Variants in PLCB4 observed in about 807,000 individuals in gnomAD.
The protein encoded by PLCB4 is 1-phosphatidylinositol 4,5-bisphosphate phosphodiesterase beta-4.
Under a neutral mutation model 178.8 loss-of-function variants are expected in PLCB4, and 77 were observed. The ratio of observed to expected loss-of-function variants is 0.43; its 90% confidence interval spans 0.36 to 0.52. The LOEUF (loss-of-function observed/expected upper bound fraction) is 0.52, where lower values mean the gene tolerates loss of function less well. Among genes scored for constraint, PLCB4 ranks in the 20% least tolerant of loss-of-function variants. The pLI is 0.00. For synonymous variants in PLCB4, 496 were observed against 490.8 expected, an observed-to-expected ratio of 1.01 and a Z score of -0.14; for missense variants, 1,024 against 1,453.4, an observed-to-expected ratio of 0.70 and a Z score of 4.80.
At chr20:9,135,514 G>A (rs905725462) in intron 2 of PLCB4, among the ~76,000 whole-genome samples, 2 of 152,000 alleles carry the variant, frequency 1.3e-5, no homozygotes, top group Admixed American at 1.3e-4. Context: ...GCACGACTTT[G>A]TTTCTTGAGG....
At chr20:9,297,986 C>CACAATACCTGAAA (rs1411102148) in intron 3 of PLCB4, among the ~76,000 whole-genome samples, 3 of 152,104 alleles carry the variant, frequency 2.0e-5, no homozygotes, top group Admixed American at 1.3e-4. Flanking sequence ...GGGCTCAGAA[C>CACAATACCTGAAA]ACAATACCTG....
chr20:9,226,974 TTTTG>T (rs924790879), intron 3 of PLCB4, among the ~76,000 whole-genome samples: 58 of 152,286 alleles, frequency 3.8e-4, no homozygotes, highest in Middle Eastern at 3.4e-3. Context: ...TTTTTGTTTT[TTTTG>T]TTTGTTTTTT....
intron 1 of PLCB4, among the ~76,000 whole-genome samples, chr20:9,072,822 C>T (rs188943838): frequency 2.0e-5 from 3 of 152,266 alleles, no homozygotes; most frequent in African/African-American, 7.2e-5. Flanking sequence ...GAATGAATGA[C>T]CAGCAGAGTG....
At chr20:9,087,376 G>A (rs544867721) in intron 1 of PLCB4, among the ~76,000 whole-genome samples, 1 of 152,228 alleles carries the variant, frequency 6.6e-6, no homozygotes, top group South Asian at 2.1e-4. Flanking sequence ...GCCACACTTA[G>A]TGAGACATAA....
chr20:9,356,107 G>A (rs111889593), intron 7 of PLCB4, among the ~76,000 whole-genome samples: 7,569 of 152,260 alleles, frequency 0.05, 256 homozygotes, highest in Non-Finnish European at 0.075. Flanking sequence ...TTTGAGAAGT[G>A]TTTGTTCATA....
At chr20:9,435,454 G>A (rs1180204619) in intron 28 of PLCB4, 106 bp from the exon 29 acceptor site, 1 of 654,856 alleles carries the variant, frequency 1.5e-6, no homozygotes, top group Non-Finnish European at 2.7e-6. Context: ...ATTATTAACA[G>A]AAAGCACAAC....
intron 30 of PLCB4, among the ~76,000 whole-genome samples, chr20:9,441,316 C>T (rs940177126): frequency 1.1e-4 from 16 of 152,172 alleles, no homozygotes; most frequent in African/African-American, 2.4e-4. Context: ...GTTCTTCCCA[C>T]GCCTCTCCAT....
At position 9,444,174 on chromosome 20, in the gene PLCB4, A is replaced by G; in HGVS notation, c.2815-4A>G. ...CTATTTTTGATTCTATTTTTCTCCCAAAGGCTTACTTGAAGCATTTAAAGA... is the reference window on the plus strand; with the variant it reads ...CTATTTTTGATTCTATTTTTCTCCCGAAGGCTTACTTGAAGCATTTAAAGA... On this transcript the variant is annotated splice_polypyrimidine_tract_variant and splice_region_variant and intron_variant, in intron 31 of 39. Transcript: ENST00000378473. 1 of 1,592,664 alleles carries G rather than the reference A, an allele frequency of 6.3e-7. No individual in the cohort carries two copies. Among genetic ancestry groups the G allele is most frequent in the Non-Finnish European group, 8.6e-7 (1 of 1,165,176 alleles).
At chr20:9,407,406 G>A (rs1239768787) in intron 21 of PLCB4, among the ~76,000 whole-genome samples, 2 of 141,492 alleles carry the variant, frequency 1.4e-5, no homozygotes, top group African/African-American at 5.4e-5. Flanking sequence ...GTCTTGCTCT[G>A]TTGCCTGGTC....
intron 20 of PLCB4, among the ~76,000 whole-genome samples, chr20:9,403,201 G>A (rs997104153): frequency 1.3e-5 from 2 of 151,958 alleles, no homozygotes; most frequent in African/African-American, 2.4e-5. Flanking sequence ...TCATTATCAC[G>A]CGTATATAGA....
At chr20:9,139,751 AC>A (rs2092450922) in intron 2 of PLCB4, among the ~76,000 whole-genome samples, 1 of 151,972 alleles carries the variant, frequency 6.6e-6, no homozygotes. Flanking sequence ...TCCACGTGTC[AC>A]CAGCCACCAC....
At chr20:9,228,357 C>G (rs1030458167) in intron 3 of PLCB4, among the ~76,000 whole-genome samples, 6 of 152,138 alleles carry the variant, frequency 3.9e-5, no homozygotes, top group Non-Finnish European at 5.9e-5. Flanking sequence ...TGGGATAAGT[C>G]ACATTTGTTT....
At chr20:9,321,172 C>T (rs1475461420) in intron 4 of PLCB4, among the ~76,000 whole-genome samples, 1 of 152,094 alleles carries the variant, frequency 6.6e-6, no homozygotes, top group Non-Finnish European at 1.5e-5. Context: ...TCTTTAAACC[C>T]TCAGGTGGTG....
At chr20:9,194,882 A>G (rs2093451625) in intron 2 of PLCB4, among the ~76,000 whole-genome samples, 1 of 152,120 alleles carries the variant, frequency 6.6e-6, no homozygotes, top group Admixed American at 6.5e-5. Context: ...CAGTTACTTC[A>G]TGCATTGTCC....
At chr20:9,355,771 C>T (rs1823727358) in intron 7 of PLCB4, among the ~76,000 whole-genome samples, 1 of 152,002 alleles carries the variant, frequency 6.6e-6, no homozygotes, top group African/African-American at 2.4e-5. Context: ...GTGCATGTGT[C>T]TTTATAGCAG....
intron 4 of PLCB4, among the ~76,000 whole-genome samples, chr20:9,318,932 C>A (rs919887776): frequency 6.6e-6 from 1 of 152,138 alleles, no homozygotes; most frequent in Non-Finnish European, 1.5e-5. Context: ...TACCTCAAGC[C>A]GTGTCTGTGG....
At chr20:9,184,099 C>T (rs2208296) in intron 2 of PLCB4, among the ~76,000 whole-genome samples, 2 of 152,120 alleles carry the variant, frequency 1.3e-5, no homozygotes, top group Admixed American at 6.5e-5. Context: ...GAAGATGGGA[C>T]GTTTCAAAGA....
At chr20:9,426,914 A>G (rs182285694) in intron 28 of PLCB4, among the ~76,000 whole-genome samples, 8 of 151,994 alleles carry the variant, frequency 5.3e-5, no homozygotes, top group Admixed American at 5.2e-4. Context: ...TCTCCTTCTC[A>G]TTTCTATAGC....
intron 7 of PLCB4, among the ~76,000 whole-genome samples, chr20:9,361,252 C>T (rs932699871): frequency 6.6e-5 from 10 of 152,100 alleles, no homozygotes; most frequent in African/African-American, 2.2e-4. Context: ...TCACAATGGA[C>T]AGGGAGTCCA....
Sources: allele counts gnomAD v4.1 joint callset (sites outside exome capture counted in the v4.1 genomes callset), GRCh38; gene constraint gnomAD v4.1.1; transcripts MANE v1.5; gene names NCBI Gene and HGNC (gene_info 2026-07-23, HGNC 2026-07-21).